RBFOX1: variants seen among roughly 807,000 people sequenced by gnomAD.
The protein encoded by RBFOX1 is RNA binding protein fox-1 homolog 1.
RBFOX1 carries 8 observed loss-of-function variants against 57.7 expected under a neutral mutation model. The observed-to-expected ratio is 0.14, with a 90% CI of 0.08 to 0.25. The LOEUF (loss-of-function observed/expected upper bound fraction) is 0.25, where lower values mean the gene tolerates loss of function less well. Ranked by LOEUF, RBFOX1 falls within the 10% of genes least tolerant of loss-of-function variation. The pLI is 1.00. For synonymous variants in RBFOX1, 326 were observed against 222.4 expected, an observed-to-expected ratio of 1.47 and a Z score of -4.15; for missense variants, 611 against 548.5, an observed-to-expected ratio of 1.11 and a Z score of -1.14.
chr16:7,102,862 A>T (rs1039422825), intron 4 of RBFOX1, among the ~76,000 whole-genome samples: 3 of 152,106 alleles, frequency 2.0e-5, no homozygotes, highest in African/African-American at 7.2e-5. Context: ...GAATTTTTCA[A>T]ATCCAAAACG....
At chr16:7,236,135 A>G (rs1455504259) in intron 4 of RBFOX1, among the ~76,000 whole-genome samples, 2 of 152,172 alleles carry the variant, frequency 1.3e-5, no homozygotes, top group Non-Finnish European at 2.9e-5. Flanking sequence ...TTTGTGTCAT[A>G]TCCTGCTCAC....
chr16:6,736,445 A>G (rs527532110), intron 3 of RBFOX1, among the ~76,000 whole-genome samples: 120 of 152,300 alleles, frequency 7.9e-4, no homozygotes, highest in African/African-American at 2.7e-3. Flanking sequence ...ACTTAGAGTA[A>G]TAGTCTCTAA....
chr16:6,364,822 C>G (rs1245632803), intron 2 of RBFOX1, among the ~76,000 whole-genome samples: 1 of 152,116 alleles, frequency 6.6e-6, no homozygotes, highest in Non-Finnish European at 1.5e-5. Flanking sequence ...GGTTGGCTGA[C>G]TTGGGAGAGA....
At chr16:6,355,974 G>A (rs2087247560) in intron 2 of RBFOX1, among the ~76,000 whole-genome samples, 1 of 152,178 alleles carries the variant, frequency 6.6e-6, no homozygotes, top group South Asian at 2.1e-4. Flanking sequence ...CTCCTAATGG[G>A]CAAAGCTGAA....
At chr16:6,093,345 G>A (rs985281300) in intron 1 of RBFOX1, among the ~76,000 whole-genome samples, 2 of 152,020 alleles carry the variant, frequency 1.3e-5, no homozygotes, top group African/African-American at 4.8e-5. Context: ...AGGTTGAGGT[G>A]GGAAGATCTG....
intron 1 of RBFOX1, among the ~76,000 whole-genome samples, chr16:5,348,891 A>G (rs921502188): frequency 9.2e-5 from 14 of 152,238 alleles, no homozygotes; most frequent in African/African-American, 3.4e-4. Context: ...GCATGCAGGC[A>G]TCTCTCTGAG....
At chr16:7,657,223 G>T (rs1004664114) in intron 12 of RBFOX1, among the ~76,000 whole-genome samples, 2 of 152,164 alleles carry the variant, frequency 1.3e-5, no homozygotes, top group South Asian at 4.1e-4. Context: ...ATGGAAGCTT[G>T]GGTAACCCTT....
chr16:6,153,940 T>A (rs557698850), intron 1 of RBFOX1, among the ~76,000 whole-genome samples: 2 of 152,360 alleles, frequency 1.3e-5, no homozygotes, highest in South Asian at 2.1e-4. Context: ...GACCTCGTTC[T>A]AATTTTATCA....
intron 3 of RBFOX1, among the ~76,000 whole-genome samples, chr16:6,661,454 G>T (rs2098701067): frequency 6.6e-6 from 1 of 152,200 alleles, no homozygotes; most frequent in South Asian, 2.1e-4. Flanking sequence ...GCAGGTTATG[G>T]AGGGAATAGT....
intron 3 of RBFOX1, among the ~76,000 whole-genome samples, chr16:6,656,319 A>G (rs1329095300): frequency 6.6e-6 from 1 of 152,150 alleles, no homozygotes; most frequent in African/African-American, 2.4e-5. Flanking sequence ...TTAAAAATTT[A>G]ATTGCCAATA....
At chr16:6,428,805 T>C (rs943918374) in intron 2 of RBFOX1, among the ~76,000 whole-genome samples, 1 of 152,224 alleles carries the variant, frequency 6.6e-6, no homozygotes, top group Non-Finnish European at 1.5e-5. Context: ...GTTCAATTTT[T>C]GAGTCAAAAT....
intron 1 of RBFOX1, among the ~76,000 whole-genome samples, chr16:5,434,907 A>T (rs1344097053): frequency 3.5e-3 from 2 of 566 alleles, no homozygotes; most frequent in African/African-American, 0.02. Context: ...AGGTAAGATA[A>T]AAAAAAAAAT....
chr16:6,799,502 G>C (rs1412780975), intron 3 of RBFOX1, among the ~76,000 whole-genome samples: 1 of 152,146 alleles, frequency 6.6e-6, no homozygotes, highest in Non-Finnish European at 1.5e-5. Context: ...TTGGATTGAA[G>C]GATGCCTAGA....
intron 3 of RBFOX1, among the ~76,000 whole-genome samples, chr16:7,031,411 C>A (rs1307400446): frequency 2.6e-5 from 4 of 152,056 alleles, no homozygotes; most frequent in Non-Finnish European, 5.9e-5. Context: ...GCCTGGCTAA[C>A]ATGGTGAAAC....
intron 4 of RBFOX1, among the ~76,000 whole-genome samples, chr16:7,461,384 T>A (rs2150546075): frequency 6.6e-6 from 1 of 152,320 alleles, no homozygotes; most frequent in Non-Finnish European, 1.5e-5. Flanking sequence ...GCCAGGATGG[T>A]GTCCATCTGT....
At chr16:7,337,547 A>G (rs889185927) in intron 4 of RBFOX1, among the ~76,000 whole-genome samples, 1 of 152,170 alleles carries the variant, frequency 6.6e-6, no homozygotes, top group Admixed American at 6.5e-5. Flanking sequence ...GTGAAAAAAC[A>G]TAGGTCAAAA....
chr16:6,842,819 T>C (rs570649241), intron 3 of RBFOX1, among the ~76,000 whole-genome samples: 14 of 152,184 alleles, frequency 9.2e-5, no homozygotes, highest in African/African-American at 3.4e-4. Context: ...TCTCCCTCCA[T>C]GTTCCCCCAA....
At chr16:7,105,812 G>C (rs1439700894) in intron 4 of RBFOX1, among the ~76,000 whole-genome samples, 1 of 151,860 alleles carries the variant, frequency 6.6e-6, no homozygotes, top group Non-Finnish European at 1.5e-5. Context: ...AGATATCACA[G>C]GTTCTTTATC....
chr16:6,736,617 C>T (rs2070383341), intron 3 of RBFOX1, among the ~76,000 whole-genome samples: 1 of 152,198 alleles, frequency 6.6e-6, no homozygotes, highest in African/African-American at 2.4e-5. Context: ...CCACTATAAA[C>T]ATGCATGTGC....
Sources: allele counts gnomAD v4.1 joint callset (sites outside exome capture counted in the v4.1 genomes callset), GRCh38; gene constraint gnomAD v4.1.1; transcripts MANE v1.5; gene names NCBI Gene and HGNC (gene_info 2026-07-23, HGNC 2026-07-21).